KLF7: variants seen among roughly 807,000 people sequenced by gnomAD.
The protein encoded by KLF7 is KLF transcription factor 7, also known as Krueppel-like factor 7.
Under a neutral mutation model 27.3 loss-of-function variants are expected in KLF7, and 2 were observed. The ratio of observed to expected loss-of-function variants is 0.07; its 90% CI spans 0.03 to 0.23. The LOEUF (loss-of-function observed/expected upper bound fraction) is 0.23, where lower values mean the gene tolerates loss of function less well. Among genes scored for constraint, KLF7 ranks in the 10% least tolerant of loss-of-function variants. The pLI, the probability that KLF7 is intolerant of heterozygous loss-of-function variation, is 1.00. For missense variants in KLF7, 221 were observed against 394.1 expected (o/e 0.56, Z 3.72); for synonymous variants, 165 against 162.4 (o/e 1.02, Z -0.12).
intron 1 of KLF7, among the ~76,000 whole-genome samples, chr2:207,153,980 T>G (rs912244343): frequency 2.6e-5 from 4 of 152,190 alleles, no homozygotes; most frequent in African/African-American, 9.6e-5. Flanking sequence ...TTTTGAGTTT[T>G]ATAGCAGCAT....
At chr2:207,103,730 A>G (rs1437138879) in intron 2 of KLF7, among the ~76,000 whole-genome samples, 3 of 152,194 alleles carry the variant, frequency 2.0e-5, no homozygotes, top group Non-Finnish European at 2.9e-5. Context: ...CTACTCTTTA[A>G]GTCTCACTTT....
chr2:207,135,229 T>C (rs1254053167), intron 1 of KLF7, among the ~76,000 whole-genome samples: 1 of 151,488 alleles, frequency 6.6e-6, no homozygotes. Context: ...AAAACAGTAA[T>C]AGGAGAGTGA....
At chr2:207,146,854 C>G (rs375086010) in intron 1 of KLF7, among the ~76,000 whole-genome samples, 2 of 152,208 alleles carry the variant, frequency 1.3e-5, no homozygotes, top group Middle Eastern at 3.2e-3. Flanking sequence ...GGGGCCAGAA[C>G]ATGAATGCCC....
At chr2:207,130,184 A>G (rs2077588097) in intron 1 of KLF7, among the ~76,000 whole-genome samples, 1 of 152,142 alleles carries the variant, frequency 6.6e-6, no homozygotes, top group Admixed American at 6.5e-5. Context: ...CCATGCCCAT[A>G]TGCTCGAAAC....
chr2:207,141,309 T>C (rs578244008), intron 1 of KLF7, among the ~76,000 whole-genome samples: 138 of 152,270 alleles, frequency 9.1e-4, no homozygotes, highest in South Asian at 2.5e-3. Context: ...CAAGGTCCCA[T>C]GATACAAGAC....
intron 1 of KLF7, among the ~76,000 whole-genome samples, chr2:207,138,059 T>C (rs1054405490): frequency 2.0e-5 from 3 of 152,204 alleles, no homozygotes; most frequent in Non-Finnish European, 2.9e-5. Context: ...GCTTGACTGA[T>C]ACCGAATGAC....
intron 3 of KLF7, among the ~76,000 whole-genome samples, chr2:207,088,178 T>C (rs771756202): frequency 6.6e-6 from 1 of 152,238 alleles, no homozygotes; most frequent in African/African-American, 2.4e-5. Context: ...AAGTTATCTG[T>C]CACATCTTGT....
chr2:207,120,278 T>A (rs1279238381), intron 2 of KLF7, among the ~76,000 whole-genome samples: 1 of 152,208 alleles, frequency 6.6e-6, no homozygotes, highest in Non-Finnish European at 1.5e-5. Flanking sequence ...AAAAAATGCA[T>A]ATCTTTTTCA....
chr2:207,154,198 A>C (rs1181975062), intron 1 of KLF7, among the ~76,000 whole-genome samples: 4 of 152,136 alleles, frequency 2.6e-5, no homozygotes, highest in Admixed American at 2.0e-4. Flanking sequence ...ATAAAACCTG[A>C]TTCACTCTCA....
Position 207,165,914 on chromosome 2 carries a change from G to C in KLF7, c.-346C>G, listed in dbSNP as rs910461266. ...TCAGGAAGGGGGATGCAAACTCACT[G>C]ACACGAAGCTGCCATCTATTTCTGC... On this transcript the variant is annotated 5_prime_UTR_variant, in exon 1 of 4. Coordinates refer to ENST00000309446, the MANE Select transcript of KLF7 (RefSeq NM_003709.4). 4 of 1,112,100 alleles carry C rather than the reference G, an allele frequency of 3.6e-6. No individual in the cohort carries two copies. In the African/African-American group the frequency reaches 6.4e-5, roughly 18 times the overall value. The allele number at this position is 1,112,100 out of a possible 1,614,324, so 68.9% of individuals were successfully genotyped here. A position where few individuals can be genotyped will look rare whatever the true frequency, so the allele number is the denominator to read the frequency against.
intron 2 of KLF7, among the ~76,000 whole-genome samples, chr2:207,096,219 TC>T (rs949887625): frequency 2.0e-5 from 3 of 152,216 alleles, no homozygotes; most frequent in African/African-American, 7.2e-5. Flanking sequence ...GTCCAAGTAC[TC>T]CACCTTTGTG....
chr2:207,135,130 C>CT (rs2077749555), intron 1 of KLF7, among the ~76,000 whole-genome samples: 2 of 152,174 alleles, frequency 1.3e-5, no homozygotes, highest in Admixed American at 1.3e-4. Flanking sequence ...CCCTGACTAG[C>CT]TGGGTGACTT....
rs2076164925 is a variant in KLF7 at position 207,075,696 on chromosome 2, A to C, written c.*5517T>G. On this transcript the variant is annotated 3_prime_UTR_variant, in exon 4 of 4. Transcript: ENST00000309446. ...CGCGGGGGCGGGTGGGGGCTTGTGG[A>C]AAGGAAGGGGAGGCTTCAAAAACAT... 1 of 152,016 alleles carries C rather than the reference A, an allele frequency of 6.6e-6. No individual in the cohort carries two copies. The highest frequency in any genetic ancestry group is 1.5e-5 in the Non-Finnish European group (1 of 67,978). 9.4% of individuals were successfully genotyped at this position (152,016 alleles called of 1,614,324 possible).
At chr2:207,146,946 A>C (rs1307636595) in intron 1 of KLF7, among the ~76,000 whole-genome samples, 1 of 152,188 alleles carries the variant, frequency 6.6e-6, no homozygotes, top group South Asian at 2.1e-4. Context: ...TTCCCATGGT[A>C]TAAGTCAGCC....
intron 2 of KLF7, among the ~76,000 whole-genome samples, chr2:207,088,941 A>C (rs993027409): frequency 2.6e-5 from 4 of 152,146 alleles, no homozygotes; most frequent in African/African-American, 7.2e-5. Flanking sequence ...GCAGAAAGGA[A>C]ATGTGCTATT....
At chr2:207,171,882 C>A (rs1234016752), upstream of KLF7, among the ~76,000 whole-genome samples, 1 of 152,204 alleles carries the variant, frequency 6.6e-6, no homozygotes, top group Non-Finnish European at 1.5e-5. Context: ...GCAATATTTT[C>A]ATAGTATGCC....
upstream of KLF7, chr2:207,167,098 A>C (rs958124509): frequency 1.4e-5 from 20 of 1,400,134 alleles, no homozygotes; most frequent in Middle Eastern, 1.8e-4. Flanking sequence ...CGCAAGCTGG[A>C]GCCGGCAGCT....
chr2:207,149,406 T>C (rs2078181728), intron 1 of KLF7, among the ~76,000 whole-genome samples: 1 of 152,244 alleles, frequency 6.6e-6, no homozygotes, highest in African/African-American at 2.4e-5. Context: ...ATATCTGCTC[T>C]ACTGGCAGCA....
chr2:207,109,251 A>G (rs1231308691), intron 2 of KLF7, among the ~76,000 whole-genome samples: 1 of 152,230 alleles, frequency 6.6e-6, no homozygotes, highest in Non-Finnish European at 1.5e-5. Context: ...AGAATGTAGG[A>G]ATATACAAGA....
Sources: allele counts gnomAD v4.1 joint callset (sites outside exome capture counted in the v4.1 genomes callset), GRCh38; gene constraint gnomAD v4.1.1; transcripts MANE v1.5; gene names NCBI Gene and HGNC (gene_info 2026-07-23, HGNC 2026-07-21).